The following VPS54 variants were observed in gnomAD, a reference collection of about 807,000 sequenced individuals.
VPS54 encodes vacuolar protein sorting-associated protein 54.
VPS54 carries 45 observed loss-of-function variants against 121.5 expected under a neutral mutation model. The ratio of observed to expected loss-of-function variants is 0.37; its 90% CI spans 0.29 to 0.47. The LOEUF (loss-of-function observed/expected upper bound fraction) is 0.47. VPS54 is among the 20% of genes least tolerant of loss of function. The pLI, the probability that VPS54 is intolerant of heterozygous loss-of-function variation, is 0.99. For missense variants in VPS54, 1,090 were observed against 1,131.4 expected, an observed-to-expected ratio of 0.96 and a Z score of 0.52; for synonymous variants, 371 against 385.8, an observed-to-expected ratio of 0.96 and a Z score of 0.45.
chr2:63,968,463 G>A (rs1310178932), intron 5 of VPS54, among the ~76,000 whole-genome samples: 1 of 150,692 alleles, frequency 6.6e-6, no homozygotes, highest in African/African-American at 2.4e-5. Flanking sequence ...TGTAATCCCA[G>A]CACATTGGGA....
At chr2:63,935,370 T>G (rs1241666233) in intron 11 of VPS54, among the ~76,000 whole-genome samples, 1 of 152,156 alleles carries the variant, frequency 6.6e-6, no homozygotes, top group Non-Finnish European at 1.5e-5. Context: ...ACTGCATTTT[T>G]TTTCTTTCTT....
chr2:63,931,829 T>A (rs184197941), intron 12 of VPS54, among the ~76,000 whole-genome samples: 6 of 152,076 alleles, frequency 3.9e-5, no homozygotes, highest in Admixed American at 3.3e-4. Context: ...AACAACCCCA[T>A]CAAAAAGTGG....
intron 5 of VPS54, among the ~76,000 whole-genome samples, chr2:63,968,094 C>T (rs1676093226): frequency 6.6e-6 from 1 of 151,514 alleles, no homozygotes; most frequent in African/African-American, 2.4e-5. Context: ...AAATGATATC[C>T]TTCTACCTTT....
At chr2:63,982,008 C>A in intron 2 of VPS54, 121 bp from the exon 3 acceptor site, 2 of 1,052,592 alleles carry the variant, frequency 1.9e-6, no homozygotes, top group Non-Finnish European at 2.6e-6. Flanking sequence ...TAATCTTCCA[C>A]AGTAAATGAT....
chr2:63,979,423 T>C (rs923826709), intron 3 of VPS54, among the ~76,000 whole-genome samples: 1 of 151,636 alleles, frequency 6.6e-6, no homozygotes, highest in Non-Finnish European at 1.5e-5. Context: ...TGTATTTTTA[T>C]AGAGACAGGG....
At chr2:63,962,477 A>G in intron 6 of VPS54, 34 bp from the exon 7 acceptor site, 1 of 1,562,844 alleles carries the variant, frequency 6.4e-7, no homozygotes, top group Non-Finnish European at 8.6e-7. Context: ...ATGAAGTACT[A>G]TGAGCATACC....
chr2:63,946,185 CTA>C (rs1453712882), intron 9 of VPS54, among the ~76,000 whole-genome samples: 3 of 152,116 alleles, frequency 2.0e-5, no homozygotes, highest in African/African-American at 7.2e-5. Flanking sequence ...CACGTTATGT[CTA>C]TGATATTCAT....
intron 4 of VPS54, 21 bp downstream of exon 4, chr2:63,972,145 A>G: frequency 3.4e-6 from 5 of 1,463,852 alleles, no homozygotes; most frequent in Non-Finnish European, 4.6e-6. Context: ...TTTATTATCT[A>G]TAAATAACAC....
chr2:63,893,251 C>T lies in VPS54; in HGVS notation c.*179G>A, dbSNP rs72891037. 1,120 of 698,852 alleles carry T rather than the reference C, an allele frequency of 1.6e-3. 13 individuals are homozygous for T. The African/African-American group carries it at 0.017, about 11-fold the overall frequency. The allele number at this position is 698,852 out of a possible 1,614,324, so 43.3% of individuals were successfully genotyped here. A position where few individuals can be genotyped will look rare whatever the true frequency, so the allele number is the denominator to read the frequency against. ...CTCACTGTAGGATGCACAAAAATGA[C>T]ATTCCTTGTAGATCCCACTGAATCC... On this transcript the variant is annotated 3_prime_UTR_variant, in exon 23 of 23. Coordinates refer to ENST00000272322, the MANE Select transcript of VPS54 (RefSeq NM_016516.3).
chr2:63,954,420 C>A (rs1359370801), intron 7 of VPS54, among the ~76,000 whole-genome samples: 2 of 152,038 alleles, frequency 1.3e-5, no homozygotes, highest in Non-Finnish European at 2.9e-5. Flanking sequence ...ATTTCCAATT[C>A]GTTATTTTGA....
intron 12 of VPS54, among the ~76,000 whole-genome samples, chr2:63,930,743 ATG>A (rs1674153562): frequency 1.3e-5 from 2 of 152,234 alleles, no homozygotes; most frequent in African/African-American, 4.8e-5. Flanking sequence ...TGTAGATGAC[ATG>A]ATTGTATATT....
intron 4 of VPS54, among the ~76,000 whole-genome samples, chr2:63,969,892 C>T (rs1676185476): frequency 6.6e-6 from 1 of 151,500 alleles, no homozygotes; most frequent in Non-Finnish European, 1.5e-5. Context: ...ATCATCCCAT[C>T]CAGAATTTCT....
At chr2:63,919,185 A>G (rs1337879866) in intron 15 of VPS54, among the ~76,000 whole-genome samples, 1 of 152,058 alleles carries the variant, frequency 6.6e-6, no homozygotes, top group East Asian at 1.9e-4. Flanking sequence ...AATATTTCCC[A>G]GCCATCTCTT....
intron 15 of VPS54, among the ~76,000 whole-genome samples, chr2:63,918,656 T>C (rs2104446948): frequency 6.6e-6 from 1 of 152,148 alleles, no homozygotes; most frequent in African/African-American, 2.4e-5. Context: ...CTCATCTATT[T>C]TATACTTGTC....
intron 1 of VPS54, among the ~76,000 whole-genome samples, chr2:64,002,486 A>G (rs1677931463): frequency 6.6e-6 from 1 of 152,214 alleles, no homozygotes; most frequent in Non-Finnish European, 1.5e-5. Flanking sequence ...CATGTGGAAA[A>G]TGTATTTATG....
chr2:63,936,540 G>A (rs140149696), intron 11 of VPS54, among the ~76,000 whole-genome samples: 1 of 152,170 alleles, frequency 6.6e-6, no homozygotes, highest in Non-Finnish European at 1.5e-5. Flanking sequence ...TTGTCATTCT[G>A]AAATGACAGA....
chr2:63,914,075 T>C (rs1673269816), intron 17 of VPS54, 107 bp downstream of exon 17: 13 of 1,088,002 alleles, frequency 1.2e-5, no homozygotes, highest in Non-Finnish European at 1.6e-5. Flanking sequence ...AAAACTAATG[T>C]CTTAAAGTTA....
At chr2:64,000,593 G>C (rs1677825912) in intron 1 of VPS54, among the ~76,000 whole-genome samples, 1 of 152,198 alleles carries the variant, frequency 6.6e-6, no homozygotes, top group Non-Finnish European at 1.5e-5. Context: ...CTGCTTTAGG[G>C]GGCACCCCAA....
At chr2:63,972,118 T>C (rs1198031659) in intron 4 of VPS54, 48 bp downstream of exon 4, 3 of 1,263,944 alleles carry the variant, frequency 2.4e-6, no homozygotes, top group South Asian at 2.1e-5. Context: ...TTTTGTTCAC[T>C]AATATTTATG....
Sources: gnomAD v4.1 joint callset for allele counts (sites outside exome capture counted in the v4.1 genomes callset) on GRCh38, gnomAD v4.1.1 for gene constraint, MANE v1.5 for transcripts, NCBI Gene and HGNC (gene_info 2026-07-23, HGNC 2026-07-21) for gene names.